Variants in MACROD2 observed in about 807,000 individuals in gnomAD.
MACROD2 encodes the protein ADP-ribose glycohydrolase MACROD2.
In MACROD2, 36 loss-of-function variants were observed where a neutral mutation model predicts 70.4. That is an observed-to-expected ratio of 0.51 (90% CI 0.39 to 0.68). The LOEUF (loss-of-function observed/expected upper bound fraction) is 0.68, where lower values mean the gene tolerates loss of function less well. MACROD2 is among the 30% of genes least tolerant of loss of function. The probability of loss-of-function intolerance (pLI) is 0.00; values close to 1 mark genes in which losing one functional copy is unlikely to be tolerated. For synonymous variants in MACROD2, 172 were observed against 178.8 expected (o/e 0.96, Z 0.30); for missense variants, 496 against 538.4 (o/e 0.92, Z 0.78).
chr20:14,164,225 G>T (rs1480085135), intron 3 of MACROD2, among the ~76,000 whole-genome samples: 44 of 152,152 alleles, frequency 2.9e-4, no homozygotes, highest in Admixed American at 2.9e-3. Flanking sequence ...AGCATCAGTG[G>T]TGTCTGTGAT....
intron 10 of MACROD2, among the ~76,000 whole-genome samples, chr20:15,897,274 T>C (rs73898578): frequency 1.2e-4 from 18 of 152,298 alleles, no homozygotes; most frequent in African/African-American, 4.3e-4. Context: ...ATATTTCCGT[T>C]TGTTTTTTGC....
chr20:14,053,616 TA>T (rs990895515), intron 2 of MACROD2: 18 of 152,190 alleles, frequency 1.2e-4, no homozygotes, highest in Admixed American at 9.2e-4. Context: ...ACTTCCACTT[TA>T]AAATTCTTTA....
chr20:15,090,421 G>A (rs950553739), intron 5 of MACROD2, among the ~76,000 whole-genome samples: 2 of 151,984 alleles, frequency 1.3e-5, no homozygotes, highest in African/African-American at 4.8e-5. Flanking sequence ...AATATTGTTT[G>A]CCCAGAGCCT....
intron 5 of MACROD2, among the ~76,000 whole-genome samples, chr20:14,890,350 T>G (rs1411081227): frequency 6.6e-6 from 1 of 152,018 alleles, no homozygotes; most frequent in Non-Finnish European, 1.5e-5. Context: ...GTAAGGGATA[T>G]GGACAGGAAC....
chr20:15,629,636 A>G (rs2049259363), intron 8 of MACROD2, among the ~76,000 whole-genome samples: 1 of 152,218 alleles, frequency 6.6e-6, no homozygotes, highest in South Asian at 2.1e-4. Flanking sequence ...TAATAGTCTC[A>G]ACATCCATCA....
intron 3 of MACROD2, among the ~76,000 whole-genome samples, chr20:14,410,123 T>C (rs2083734015): frequency 6.6e-6 from 1 of 151,966 alleles, no homozygotes; most frequent in Non-Finnish European, 1.5e-5. Flanking sequence ...ATTAATACCC[T>C]AGCTTAGTTT....
At chr20:14,908,759 T>G (rs1330205227) in intron 5 of MACROD2, among the ~76,000 whole-genome samples, 2 of 152,112 alleles carry the variant, frequency 1.3e-5, no homozygotes, top group South Asian at 2.1e-4. Flanking sequence ...AAATAGGAAT[T>G]TATTGCAATA....
At chr20:14,954,793 A>ATAAATTT in intron 5 of MACROD2, among the ~76,000 whole-genome samples, 2 of 52,276 alleles carry the variant, frequency 3.8e-5, no homozygotes, top group Non-Finnish European at 8.2e-5. Context: ...AAATATATAA[A>ATAAATTT]TATATAAATA....
At chr20:15,001,959 A>G (rs910970401) in intron 5 of MACROD2, among the ~76,000 whole-genome samples, 7 of 152,082 alleles carry the variant, frequency 4.6e-5, no homozygotes, top group Admixed American at 1.3e-4. Flanking sequence ...ACACACACAC[A>G]CACACACACA....
intron 8 of MACROD2, among the ~76,000 whole-genome samples, chr20:15,617,328 C>A (rs549938806): frequency 6.6e-6 from 1 of 152,198 alleles, no homozygotes; most frequent in African/African-American, 2.4e-5. Context: ...TGATTTGGGG[C>A]TTGGGGAGCA....
intron 5 of MACROD2, among the ~76,000 whole-genome samples, chr20:14,976,097 T>A (rs2074737072): frequency 6.6e-6 from 1 of 152,192 alleles, no homozygotes. Flanking sequence ...TGTGCCCCAG[T>A]GCTTCTCTGA....
chr20:15,987,252 C>A, intron 15 of MACROD2, 94 bp downstream of exon 15: 1 of 1,041,652 alleles, frequency 9.6e-7, no homozygotes, highest in Non-Finnish European at 1.4e-6. Context: ...CATGCAATTA[C>A]AGTTTGTAAA....
chr20:14,462,744 T>C (rs948170223), intron 3 of MACROD2, among the ~76,000 whole-genome samples: 10 of 152,146 alleles, frequency 6.6e-5, no homozygotes, highest in African/African-American at 2.4e-4. Flanking sequence ...GTTTCAGCTT[T>C]CTACATATGG....
chr20:14,863,118 C>A (rs961085187), intron 5 of MACROD2, among the ~76,000 whole-genome samples: 1 of 151,980 alleles, frequency 6.6e-6, no homozygotes, highest in African/African-American at 2.4e-5. Context: ...AAATCACCCA[C>A]GGGTTCTTTC....
chr20:15,259,614 T>C (rs751768461), intron 6 of MACROD2, among the ~76,000 whole-genome samples: 4 of 152,020 alleles, frequency 2.6e-5, no homozygotes, highest in East Asian at 1.9e-4. Context: ...ATTTAAACTC[T>C]TTCAGAGGAA....
chr20:14,055,913 A>G (rs1476737407), intron 2 of MACROD2, among the ~76,000 whole-genome samples: 28 of 152,112 alleles, frequency 1.8e-4, no homozygotes, highest in Non-Finnish European at 2.9e-5. Context: ...CAGGGTCCTC[A>G]TTGGATATAT....
At chr20:15,141,177 T>G (rs1400610135) in intron 5 of MACROD2, among the ~76,000 whole-genome samples, 1 of 151,630 alleles carries the variant, frequency 6.6e-6, no homozygotes. Flanking sequence ...AGAATTTACA[T>G]GCATACAGGC....
intron 8 of MACROD2, among the ~76,000 whole-genome samples, chr20:15,713,987 G>GCACACACGCACACACACACA (rs1555868660): frequency 1.1e-3 from 135 of 117,778 alleles, no homozygotes; most frequent in East Asian, 4.2e-3. Flanking sequence ...ACACACATAT[G>GCACACACGCACACACACACA]CACACACACA....
At chr20:15,426,171 C>T (rs543726125) in intron 6 of MACROD2, among the ~76,000 whole-genome samples, 6 of 151,350 alleles carry the variant, frequency 4.0e-5, no homozygotes, top group Non-Finnish European at 8.8e-5. Flanking sequence ...GCCAAATCCC[C>T]CTCTGCGAGA....
Sources: gnomAD v4.1 joint callset for allele counts (sites outside exome capture counted in the v4.1 genomes callset) on GRCh38, gnomAD v4.1.1 for gene constraint, MANE v1.5 for transcripts, NCBI Gene and HGNC (gene_info 2026-07-23, HGNC 2026-07-21) for gene names.